The following RSF1 variants were observed in gnomAD, a reference collection of about 807,000 sequenced individuals.
The protein encoded by RSF1 is remodeling and spacing factor 1.
Under a neutral mutation model 145.2 loss-of-function variants are expected in RSF1, and 13 were observed. The observed-to-expected ratio is 0.09, with a 90% CI of 0.06 to 0.14. The LOEUF is 0.14. Ranked by LOEUF, RSF1 falls within the 10% of genes least tolerant of loss-of-function variation. The pLI is 1.00. For missense variants in RSF1, 1,517 were observed against 1,718.2 expected, an observed-to-expected ratio of 0.88 and a Z score of 2.07; for synonymous variants, 577 against 592.6, an observed-to-expected ratio of 0.97 and a Z score of 0.38.
At chr11:77,671,154 TATATA>T (rs1959530830) in intron 15 of RSF1, among the ~76,000 whole-genome samples, 1 of 58,606 alleles carries the variant, frequency 1.7e-5, no homozygotes, top group Non-Finnish European at 2.6e-5. Context: ...TATATATATA[TATATA>T]TATATATATA....
At chr11:77,774,516 G>A (rs1948320356) in intron 1 of RSF1, among the ~76,000 whole-genome samples, 1 of 151,672 alleles carries the variant, frequency 6.6e-6, no homozygotes, top group Non-Finnish European at 1.5e-5. Flanking sequence ...AGGTTGCAGT[G>A]AACTGAGATT....
the RSF1 span, among the ~76,000 whole-genome samples, chr11:77,829,000 T>C: frequency 1.3e-5 from 2 of 152,192 alleles, no homozygotes; most frequent in Non-Finnish European, 2.9e-5. Flanking sequence ...GTAATCAAGA[T>C]TGTGTGTAGT....
chr11:77,705,525 C>G (rs780826158), intron 5 of RSF1, among the ~76,000 whole-genome samples: 1 of 152,112 alleles, frequency 6.6e-6, no homozygotes, highest in African/African-American at 2.4e-5. Context: ...AGTTGCCTGC[C>G]GATTATCTAT....
rs749506799 is a variant in RSF1 at position 77,701,092 on chromosome 11, C to T, written c.2137G>A (p.Glu713Lys). 3 of 1,613,426 alleles carry T rather than the reference C, an allele frequency of 1.9e-6. No individual in the cohort carries two copies. In the East Asian group the frequency reaches 6.7e-5, roughly 36 times the overall value. Residue 713 changes from glutamate (E) to lysine (K), a missense_variant, in exon 6 of 16, where the codon GAA (glutamate) becomes AAA (lysine). Coordinates refer to ENST00000308488, the MANE Select transcript of RSF1 (RefSeq NM_016578.4). ...KSKFKYKLVP[E>K]EETTASENTE... ...TTTTCTGAGGCAGTGGTTTCTTCTT[C>T]AGGAACCAACTTATATTTGAATTTG...
chr11:77,869,617 G>C, the RSF1 span: 15 of 1,119,800 alleles, frequency 1.3e-5, no homozygotes, highest in Non-Finnish European at 2.0e-5. Flanking sequence ...TTGGCACAAA[G>C]TGAACCTCAG....
the RSF1 span, among the ~76,000 whole-genome samples, chr11:77,839,643 AG>A: frequency 6.6e-6 from 1 of 152,248 alleles, no homozygotes; most frequent in Non-Finnish European, 1.5e-5. Context: ...GCAACCATAA[AG>A]GGGAACAAGA....
the RSF1 span, among the ~76,000 whole-genome samples, chr11:77,830,299 T>A: frequency 6.6e-6 from 1 of 152,282 alleles, no homozygotes; most frequent in Middle Eastern, 3.4e-3. Context: ...AACAGCAAAC[T>A]GTTTATCATG....
the RSF1 span, chr11:77,868,997 C>A: frequency 3.1e-6 from 1 of 322,596 alleles, no homozygotes; most frequent in Admixed American, 3.5e-5. Flanking sequence ...TGGGTAATAC[C>A]GTAGACTCTT....
intron 1 of RSF1, among the ~76,000 whole-genome samples, chr11:77,809,190 A>G (rs1173435364): frequency 2.0e-5 from 3 of 152,220 alleles, no homozygotes; most frequent in Admixed American, 1.3e-4. Context: ...TTATCTATAA[A>G]ATGAAAATAA....
At chr11:77,811,225 T>G (rs1948727594) in intron 1 of RSF1, among the ~76,000 whole-genome samples, 1 of 152,228 alleles carries the variant, frequency 6.6e-6, no homozygotes, top group African/African-American at 2.4e-5. Context: ...TGCCCACCAC[T>G]GTACTAAGCT....
chr11:77,850,250 AAAT>A, the RSF1 span, among the ~76,000 whole-genome samples: 1 of 152,236 alleles, frequency 6.6e-6, no homozygotes, highest in Non-Finnish European at 1.5e-5. Context: ...CAGTATCCTG[AAAT>A]AATAATTAGT....
Position 77,698,686 on chromosome 11 carries a change from G to T in RSF1, c.2516C>A (p.Pro839His). The T allele has an allele frequency of 1.2e-6, 2 of 1,613,436 alleles. No individual in the cohort carries two copies. The highest frequency in any genetic ancestry group is 1.7e-6 in the Non-Finnish European group (2 of 1,179,766). The change falls in exon 7 of 16, where the codon CCC becomes CAC. Residue 839 changes from proline to histidine, a missense_variant. By Grantham distance (77) the Pro-to-His change is moderately conservative. This residue lies in a region of RSF1 where 579 missense variants were observed against 553.5 expected (regional missense o/e 1.05). Transcript: ENST00000308488. ...DTNSKVSKVK[P>H]KGKVRWTGSR... ...ACCAGTCCATCGAACTTTGCCTTTG[G>T]GTTTTACCTTGTATAAAATAAAAAA...
At chr11:77,756,491 T>G (rs1450162364) in intron 2 of RSF1, among the ~76,000 whole-genome samples, 1 of 152,188 alleles carries the variant, frequency 6.6e-6, no homozygotes, top group Non-Finnish European at 1.5e-5. Context: ...TAACAACCTT[T>G]TCAGTAATTC....
the RSF1 span, among the ~76,000 whole-genome samples, chr11:77,856,368 G>T: frequency 1.3e-5 from 2 of 152,066 alleles, no homozygotes; most frequent in African/African-American, 4.8e-5. Flanking sequence ...TTCCAAATTT[G>T]CCCTCATCTT....
chr11:77,719,134 C>T (rs114641909), intron 5 of RSF1, among the ~76,000 whole-genome samples: 1,589 of 152,050 alleles, frequency 0.01, 24 homozygotes, highest in African/African-American at 0.036. Flanking sequence ...GTAGTCCCAG[C>T]GAGGCAGGAG....
upstream of RSF1, among the ~76,000 whole-genome samples, chr11:77,823,353 AAAACT>A (rs1180554164): frequency 2.0e-5 from 3 of 152,152 alleles, no homozygotes; most frequent in African/African-American, 4.8e-5. Flanking sequence ...AATGAAACAC[AAAACT>A]AAACTAAAAC....
intron 8 of RSF1, among the ~76,000 whole-genome samples, chr11:77,693,067 T>C (rs1379775598): frequency 6.6e-6 from 1 of 152,150 alleles, no homozygotes; most frequent in Non-Finnish European, 1.5e-5. Flanking sequence ...GATTCTTCAG[T>C]TTCTAAAAGA....
intron 1 of RSF1, among the ~76,000 whole-genome samples, chr11:77,817,849 A>G (rs1948796758): frequency 6.6e-6 from 1 of 152,184 alleles, no homozygotes. Context: ...CTATCATTTT[A>G]TCAGCTATTT....
chr11:77,849,276 C>T, the RSF1 span, among the ~76,000 whole-genome samples: 1 of 151,984 alleles, frequency 6.6e-6, no homozygotes, highest in African/African-American at 2.4e-5. Context: ...GGCTGGAATG[C>T]GGTGGCGTGA....
Sources: allele counts gnomAD v4.1 joint callset (sites outside exome capture counted in the v4.1 genomes callset), GRCh38; gene constraint gnomAD v4.1.1; regional missense constraint gnomAD v4.1.1; transcripts MANE v1.5; gene names NCBI Gene and HGNC (gene_info 2026-07-23, HGNC 2026-07-21).